STK32B: variants seen among roughly 807,000 people sequenced by gnomAD.
STK32B encodes serine/threonine kinase 32B, also known as serine/threonine-protein kinase 32B.
Under a neutral mutation model 52.6 loss-of-function variants are expected in STK32B, and 43 were observed. The observed-to-expected ratio is 0.82, with a 90% confidence interval of 0.64 to 1.05. The LOEUF (loss-of-function observed/expected upper bound fraction) is 1.05. Ranked by LOEUF, STK32B falls within the 50% of genes least tolerant of loss-of-function variation. The pLI, the probability that STK32B is intolerant of heterozygous loss-of-function variation, is 0.00. For synonymous variants in STK32B, 238 were observed against 204.3 expected (o/e 1.17, Z -1.41); for missense variants, 621 against 534.6 (o/e 1.16, Z -1.59).
chr4:5,057,072 T>G (rs922135181), intron 1 of STK32B, among the ~76,000 whole-genome samples: 1 of 152,220 alleles, frequency 6.6e-6, no homozygotes, highest in African/African-American at 2.4e-5. Context: ...TCCACCTTTG[T>G]GTCTGCAAAG....
intron 2 of STK32B, among the ~76,000 whole-genome samples, chr4:5,151,132 T>C (rs184421097): frequency 5.3e-5 from 8 of 152,316 alleles, no homozygotes; most frequent in Non-Finnish European, 1.2e-4. Context: ...TATTTCTAAG[T>C]TGCTTTTGGG....
intron 1 of STK32B, among the ~76,000 whole-genome samples, chr4:5,060,739 G>GT (rs1403836305): frequency 1.3e-5 from 2 of 152,038 alleles, no homozygotes. Flanking sequence ...GTCTGAAAAT[G>GT]TTTTTATTTA....
chr4:5,475,796 G>A (rs1447257728), intron 11 of STK32B, among the ~76,000 whole-genome samples: 1 of 151,602 alleles, frequency 6.6e-6, no homozygotes, highest in East Asian at 1.9e-4. Flanking sequence ...ATTTTTAAGT[G>A]TATTGAAAAG....
At chr4:5,119,138 C>A (rs1251801638) in intron 1 of STK32B, among the ~76,000 whole-genome samples, 1 of 152,204 alleles carries the variant, frequency 6.6e-6, no homozygotes, top group Non-Finnish European at 1.5e-5. Flanking sequence ...CTTCACCTTG[C>A]TGGGAACGCG....
intron 6 of STK32B, among the ~76,000 whole-genome samples, chr4:5,429,980 G>A (rs1713432168): frequency 6.6e-6 from 1 of 151,766 alleles, no homozygotes; most frequent in Admixed American, 6.6e-5. Context: ...TAGGTAACAT[G>A]CTTTTTTCCT....
intron 3 of STK32B, among the ~76,000 whole-genome samples, chr4:5,315,369 C>T (rs1730597441): frequency 1.3e-5 from 2 of 152,008 alleles, no homozygotes; most frequent in South Asian, 4.1e-4. Flanking sequence ...ATAAATTTTA[C>T]AAGAATTACT....
chr4:5,045,811 G>A, the STK32B span, among the ~76,000 whole-genome samples: 2 of 152,120 alleles, frequency 1.3e-5, no homozygotes, highest in South Asian at 2.1e-4. Flanking sequence ...TTGGGGCTGA[G>A]ATGATGGGGT....
chr4:5,231,196 C>A (rs923735454), intron 3 of STK32B, among the ~76,000 whole-genome samples: 2 of 152,184 alleles, frequency 1.3e-5, no homozygotes, highest in African/African-American at 4.8e-5. Context: ...ACATCTGCCT[C>A]CTGGAGCTCC....
chr4:5,176,674 C>G (rs1299780855), intron 3 of STK32B, among the ~76,000 whole-genome samples: 1 of 152,040 alleles, frequency 6.6e-6, no homozygotes, highest in Non-Finnish European at 1.5e-5. Flanking sequence ...AAGCTCCTGA[C>G]CTCAGGTGAT....
Position 5,317,468 on chromosome 4 carries a change from A to G in STK32B, c.261-13752A>G, listed in dbSNP as rs1186677264. ...TACATAATATATATAATATATATGT[A>G]TAATATATATATTACATATATATAA... On this transcript the variant is annotated intron_variant, in intron 3 of 11. Coordinates refer to ENST00000282908, the MANE Select transcript of STK32B (RefSeq NM_018401.3). Among the ~76,000 whole-genome samples, 10 of 106,952 alleles carry G rather than the reference A, an allele frequency of 9.3e-5. 1 individual carries two copies. Among genetic ancestry groups the G allele is most frequent in the African/African-American group, 4.5e-4 (9 of 19,888 alleles). 70.2% of individuals were successfully genotyped at this position (106,952 alleles called of 152,430 possible). A position where few individuals can be genotyped will look rare whatever the true frequency, so the allele number is the denominator to read the frequency against.
intron 6 of STK32B, among the ~76,000 whole-genome samples, chr4:5,423,083 G>T (rs1412617028): frequency 1.3e-5 from 2 of 152,158 alleles, no homozygotes; most frequent in African/African-American, 4.8e-5. Flanking sequence ...GCTGTGGTGA[G>T]AGCCTAGGGA....
Position 5,499,127 on chromosome 4 carries a change from C to T in STK32B, c.*44C>T. The T allele has an allele frequency of 6.4e-7, 1 of 1,552,872 alleles. No individual in the cohort carries two copies. Among genetic ancestry groups the T allele is most frequent in the Non-Finnish European group, 8.7e-7 (1 of 1,144,044 alleles). The stretch of plus-strand genomic sequence containing the variant: ...TCAACAGGACTGCACTCGTCTCTGC[C>T]CTGCCCACCCAGAGCCCCTCTTTGT... On this transcript the variant is annotated 3_prime_UTR_variant, in exon 12 of 12. Coordinates refer to ENST00000282908, the MANE Select transcript of STK32B (RefSeq NM_018401.3).
intron 3 of STK32B, among the ~76,000 whole-genome samples, chr4:5,235,190 A>G (rs991573443): frequency 2.0e-5 from 3 of 152,254 alleles, no homozygotes; most frequent in Non-Finnish European, 2.9e-5. Flanking sequence ...TTTCTGGTCT[A>G]TAAAATGGTG....
Position 5,466,803 on chromosome 4 carries a change from C to A in STK32B, c.1010C>A (p.Ser337Tyr). The change falls in exon 10 of 12, where the codon TCC becomes TAC. Residue 337 changes from serine (S) to tyrosine (Y), a missense_variant. Physicochemically the swap from Ser to Tyr is moderately radical, Grantham distance 144. Coordinates refer to ENST00000282908, the MANE Select transcript of STK32B (RefSeq NM_018401.3). ...AAGAAGCGATTGGCAAAGAACAGAT[C>A]CAGGGATGGCACAAAGGACAGCTGC... ...KKKKRLAKNR[S>Y]RDGTKDSCPL... The A allele has an allele frequency of 6.2e-7, 1 of 1,613,886 alleles. No individual in the cohort carries two copies. Among genetic ancestry groups the A allele is most frequent in the Non-Finnish European group, 8.5e-7 (1 of 1,179,906 alleles).
chr4:5,406,526 C>G (rs1469207886), intron 5 of STK32B, among the ~76,000 whole-genome samples: 1 of 152,164 alleles, frequency 6.6e-6, no homozygotes, highest in African/African-American at 2.4e-5. Context: ...AGACTTCTAC[C>G]TGGACATCCA....
At chr4:5,091,061 A>G (rs565593765) in intron 1 of STK32B, among the ~76,000 whole-genome samples, 1 of 152,218 alleles carries the variant, frequency 6.6e-6, no homozygotes, top group African/African-American at 2.4e-5. Context: ...ATTAACACCA[A>G]TCGTTCTCAA....
At position 5,351,723 on chromosome 4, in the gene STK32B, T is replaced by C. The variant is rs372298418; in HGVS notation, c.434+20330T>C. On this transcript the variant is annotated intron_variant, in intron 4 of 11. Coordinates refer to ENST00000282908, the MANE Select transcript of STK32B (RefSeq NM_018401.3). ...TTGATATGTCACCAGCTTGACTAAA[T>C]AAGAAAAAAGAGAGAAACCCAAATA... Among the ~76,000 whole-genome samples the C allele has an allele frequency of 5.9e-5, 9 of 151,614 alleles. No individual in the cohort carries two copies. In the South Asian group the frequency reaches 1.0e-3, roughly 17 times the overall value.
chr4:5,216,867 C>G (rs181230750), intron 3 of STK32B, among the ~76,000 whole-genome samples: 293 of 139,106 alleles, frequency 2.1e-3, no homozygotes, highest in African/African-American at 7.5e-3. Context: ...TTATTTGGCT[C>G]TGTTTCCAGT....
At chr4:5,193,426 T>A (rs979210495) in intron 3 of STK32B, among the ~76,000 whole-genome samples, 2 of 152,216 alleles carry the variant, frequency 1.3e-5, no homozygotes, top group Non-Finnish European at 2.9e-5. Flanking sequence ...CCTTAGGCCT[T>A]TAGCAGAGGA....
Sources: gnomAD v4.1 joint callset for allele counts (sites outside exome capture counted in the v4.1 genomes callset) on GRCh38, gnomAD v4.1.1 for gene constraint, MANE v1.5 for transcripts, NCBI Gene and HGNC (gene_info 2026-07-23, HGNC 2026-07-21) for gene names.